Variants in XYLT1 observed in about 807,000 individuals in gnomAD.
XYLT1 encodes the protein xylosyltransferase 1, also known as beta-D-xylosyltransferase 1.
A neutral mutation model predicts 91.3 loss-of-function variants in XYLT1; 36 were observed. The ratio of observed to expected loss-of-function variants is 0.39; its 90% CI spans 0.30 to 0.52. XYLT1 has a LOEUF of 0.52. Among genes scored for constraint, XYLT1 ranks in the 20% least tolerant of loss-of-function variants. XYLT1 has a pLI of 0.68. For missense variants in XYLT1, 1,242 were observed against 1,284.5 expected (o/e 0.97, Z 0.51); for synonymous variants, 588 against 532.0 (o/e 1.11, Z -1.45).
chr16:17,213,865 C>T (rs538227375), intron 3 of XYLT1, among the ~76,000 whole-genome samples: 1 of 152,270 alleles, frequency 6.6e-6, no homozygotes, highest in South Asian at 2.1e-4. Context: ...GATTCGCCCG[C>T]CTCAGCCTCC....
chr16:17,301,951 C>G (rs1396895112), intron 2 of XYLT1, among the ~76,000 whole-genome samples: 1 of 152,090 alleles, frequency 6.6e-6, no homozygotes, highest in African/African-American at 2.4e-5. Flanking sequence ...GTGGCTCATG[C>G]CTGTAATCTC....
intron 3 of XYLT1, among the ~76,000 whole-genome samples, chr16:17,245,209 A>G (rs1250570953): frequency 6.6e-6 from 1 of 152,240 alleles, no homozygotes; most frequent in African/African-American, 2.4e-5. Flanking sequence ...ATTAGATTTT[A>G]ACAAGCATCC....
intron 9 of XYLT1, among the ~76,000 whole-genome samples, chr16:17,129,185 G>A (rs567127790): frequency 8.6e-5 from 13 of 151,856 alleles, no homozygotes; most frequent in African/African-American, 3.1e-4. Context: ...AAAGTCCAGC[G>A]ACTGTGCTGT....
chr16:17,263,397 C>T (rs559352293), intron 2 of XYLT1, among the ~76,000 whole-genome samples: 26 of 152,094 alleles, frequency 1.7e-4, no homozygotes, highest in African/African-American at 5.8e-4. Flanking sequence ...TGATTAATAC[C>T]CGCTCTCTAC....
At chr16:17,220,870 G>A (rs1019893597) in intron 3 of XYLT1, among the ~76,000 whole-genome samples, 1 of 152,234 alleles carries the variant, frequency 6.6e-6, no homozygotes, top group Non-Finnish European at 1.5e-5. Flanking sequence ...ACCCTGGGCA[G>A]AAAGTGCGCC....
chr16:17,381,421 CTTTTTT>C (rs11299875), intron 1 of XYLT1, among the ~76,000 whole-genome samples: 1 of 130,122 alleles, frequency 7.7e-6, no homozygotes, highest in South Asian at 2.3e-4. Context: ...AAGGCAACAC[CTTTTTT>C]TTTTTTTTTT....
At chr16:17,280,277 G>GAGGA (rs2141783521) in intron 2 of XYLT1, among the ~76,000 whole-genome samples, 1 of 152,298 alleles carries the variant, frequency 6.6e-6, no homozygotes, top group South Asian at 2.1e-4. Context: ...TTGAACCCAG[G>GAGGA]AGGAAGAGGT....
chr16:17,380,917 T>C (rs1331846075), intron 1 of XYLT1, among the ~76,000 whole-genome samples: 1 of 152,232 alleles, frequency 6.6e-6, no homozygotes, highest in Non-Finnish European at 1.5e-5. Context: ...GGACAAATAC[T>C]GTGTGATTCC....
intron 1 of XYLT1, among the ~76,000 whole-genome samples, chr16:17,407,359 C>G (rs533707527): frequency 5.3e-5 from 8 of 152,032 alleles, no homozygotes; most frequent in African/African-American, 1.7e-4. Context: ...TATAACACAG[C>G]GTTATTTTTA....
At chr16:17,470,042 G>C (rs1300897139) in intron 1 of XYLT1, among the ~76,000 whole-genome samples, 1 of 152,050 alleles carries the variant, frequency 6.6e-6, no homozygotes, top group East Asian at 1.9e-4. Context: ...AACCGCCCAG[G>C]AACAGCGGCT....
chr16:17,313,236 G>A (rs2034577060), intron 2 of XYLT1, among the ~76,000 whole-genome samples: 1 of 152,222 alleles, frequency 6.6e-6, no homozygotes, highest in Admixed American at 6.5e-5. Flanking sequence ...CAACTTCACA[G>A]AGGCCTGCTT....
chr16:17,190,705 T>G (rs951172844), intron 5 of XYLT1, among the ~76,000 whole-genome samples: 2 of 152,176 alleles, frequency 1.3e-5, no homozygotes, highest in Non-Finnish European at 2.9e-5. Context: ...TGATGGACAT[T>G]TGGATTGGTT....
chr16:17,437,034 G>C (rs1270594004), intron 1 of XYLT1, among the ~76,000 whole-genome samples: 1 of 152,150 alleles, frequency 6.6e-6, no homozygotes, highest in Non-Finnish European at 1.5e-5. Context: ...ACCTGCATTA[G>C]CTCATTGAAT....
chr16:17,444,704 T>C (rs1242381813), intron 1 of XYLT1, among the ~76,000 whole-genome samples: 1 of 152,128 alleles, frequency 6.6e-6, no homozygotes. Flanking sequence ...GCTCAATAAA[T>C]ATTTGTTAAA....
In XYLT1 at chr16:17,259,062, A is replaced by T. The variant is rs781009217; in HGVS notation, c.839T>A (p.Ile280Asn). The change falls in exon 3 of 12, where the codon ATT becomes AAT. Residue 280 changes from isoleucine to asparagine, a missense_variant. Ile to Asn is a moderately radical substitution (Grantham distance 149). Transcript: ENST00000261381. ...RAKSKHCRQE[I>N]GETYCRHKLG... is the part of the protein sequence containing the mutation. Reference sequence around the variant, plus strand: ...CTTGTGGCGGCAGTAAGTCTCCCCAATCTCCTGGCGGCAGTGCTTGGACTT... The same window carrying T: ...CTTGTGGCGGCAGTAAGTCTCCCCATTCTCCTGGCGGCAGTGCTTGGACTT... The T allele has an allele frequency of 1.3e-6, 2 of 1,521,358 alleles. No individual in the cohort carries two copies. Among genetic ancestry groups the T allele is most frequent in the African/African-American group, 2.8e-5 (2 of 71,582 alleles). The allele number at this position is 1,521,358 out of a possible 1,614,324, so 94.2% of individuals were successfully genotyped here. A position where few individuals can be genotyped will look rare whatever the true frequency, so the allele number is the denominator to read the frequency against.
chr16:17,317,529 C>T (rs1027588910), intron 2 of XYLT1, among the ~76,000 whole-genome samples: 2 of 141,578 alleles, frequency 1.4e-5, no homozygotes, highest in African/African-American at 5.3e-5. Context: ...ACCTGGGAGG[C>T]TGAGGTGGGA....
chr16:17,158,991 T>C, intron 5 of XYLT1, 82 bp from the exon 6 acceptor site: 4 of 1,265,744 alleles, frequency 3.2e-6, no homozygotes, highest in Non-Finnish European at 2.3e-6. Context: ...TCACCAATTA[T>C]GTCAGTCTGC....
chr16:17,248,535 T>C (rs1024074525), intron 3 of XYLT1, among the ~76,000 whole-genome samples: 1 of 152,080 alleles, frequency 6.6e-6, no homozygotes, highest in Non-Finnish European at 1.5e-5. Context: ...TTTTTGCTTA[T>C]AGGAAGAGCT....
intron 3 of XYLT1, among the ~76,000 whole-genome samples, chr16:17,206,962 A>G (rs1209980586): frequency 6.6e-6 from 1 of 152,128 alleles, no homozygotes; most frequent in Non-Finnish European, 1.5e-5. Context: ...AAATTTCTGA[A>G]TCATCTGGAA....
Sources: gnomAD v4.1 joint callset for allele counts (sites outside exome capture counted in the v4.1 genomes callset) on GRCh38, gnomAD v4.1.1 for gene constraint, MANE v1.5 for transcripts, NCBI Gene and HGNC (gene_info 2026-07-23, HGNC 2026-07-21) for gene names.